SLC9A2: variants seen among roughly 807,000 people sequenced by gnomAD.
SLC9A2 encodes sodium/hydrogen exchanger 2.
SLC9A2 carries 42 observed loss-of-function variants against 71.7 expected under a neutral mutation model. The observed-to-expected ratio is 0.59, with a 90% confidence interval of 0.46 to 0.76. SLC9A2 has a LOEUF of 0.76. Among genes scored for constraint, SLC9A2 ranks in the 30% least tolerant of loss-of-function variants. The pLI, the probability that SLC9A2 is intolerant of heterozygous loss-of-function variation, is 0.00. For missense variants in SLC9A2, 829 were observed against 1,017.4 expected (o/e 0.81, Z 2.52); for synonymous variants, 396 against 392.5 (o/e 1.01, Z -0.10).
chr2:102,671,864 G>A (rs1487087461), intron 3 of SLC9A2, among the ~76,000 whole-genome samples: 2 of 152,158 alleles, frequency 1.3e-5, no homozygotes, highest in Non-Finnish European at 2.9e-5. Flanking sequence ...CCAGCACTCT[G>A]GGAGGCTGAG....
chr2:102,658,976 G>T (rs1348864124), intron 2 of SLC9A2, among the ~76,000 whole-genome samples: 3 of 152,254 alleles, frequency 2.0e-5, no homozygotes, highest in South Asian at 4.1e-4. Context: ...TTGTGCTCAG[G>T]TCTCTATAAC....
intron 2 of SLC9A2, among the ~76,000 whole-genome samples, chr2:102,662,369 T>C (rs1253112955): frequency 6.6e-6 from 1 of 152,104 alleles, no homozygotes. Flanking sequence ...GTGCACTGGA[T>C]GGACTAGGGT....
chr2:102,672,055 G>T lies in SLC9A2; in HGVS notation c.1004+6705G>T, dbSNP rs368086164. 1.1e-3 allele frequency among the ~76,000 whole-genome samples: 164 copies of T among 152,230 alleles called. 1 individual carries two copies. Among genetic ancestry groups the T allele is most frequent in the African/African-American group, 3.7e-3 (155 of 41,540 alleles). On this transcript the variant is annotated intron_variant, in intron 3 of 11. Coordinates refer to ENST00000233969, the MANE Select transcript of SLC9A2 (RefSeq NM_003048.6). ...ACCCGGGAGGCGGAGGTTGCAGTGA[G>T]CCGAGATTGAGCCACTGCACTCCAG... is the stretch of plus-strand genomic sequence containing the variant.
intron 1 of SLC9A2, among the ~76,000 whole-genome samples, chr2:102,641,476 C>A (rs2104508283): frequency 6.6e-6 from 1 of 151,746 alleles, no homozygotes; most frequent in African/African-American, 2.4e-5. Flanking sequence ...ACGTGCCGTT[C>A]TGCTTGAGAA....
At chr2:102,630,858 C>A (rs1175882550) in intron 1 of SLC9A2, among the ~76,000 whole-genome samples, 1 of 151,600 alleles carries the variant, frequency 6.6e-6, no homozygotes, top group Non-Finnish European at 1.5e-5. Flanking sequence ...AAACTATATT[C>A]ATTTTATAGT....
intron 1 of SLC9A2, among the ~76,000 whole-genome samples, chr2:102,637,236 C>G (rs141621325): frequency 1.7e-3 from 258 of 152,278 alleles, no homozygotes; most frequent in Non-Finnish European, 3.0e-3. Context: ...TCCGCATGTC[C>G]AAGGGCAGCT....
chr2:102,703,452 G>A (rs1289287783), intron 9 of SLC9A2, among the ~76,000 whole-genome samples: 1 of 152,070 alleles, frequency 6.6e-6, no homozygotes, highest in African/African-American at 2.4e-5. Context: ...CTGTCAGCTG[G>A]TCAAAAGCCT....
At chr2:102,659,158 C>A (rs1677002111) in intron 2 of SLC9A2, among the ~76,000 whole-genome samples, 1 of 151,900 alleles carries the variant, frequency 6.6e-6, no homozygotes, top group Admixed American at 6.6e-5. Context: ...GAGGCTCATG[C>A]CTATAATTCT....
intron 7 of SLC9A2, among the ~76,000 whole-genome samples, chr2:102,696,353 T>C (rs1677769707): frequency 6.6e-6 from 1 of 152,222 alleles, no homozygotes; most frequent in African/African-American, 2.4e-5. Flanking sequence ...GGTAGATCCC[T>C]CTTGTTTTAT....
chr2:102,652,052 A>G (rs4140836), intron 1 of SLC9A2, among the ~76,000 whole-genome samples: 127,680 of 152,146 alleles, frequency 0.84, 53,697 homozygotes, highest in East Asian at 0.94. Flanking sequence ...ATGGGATCAA[A>G]CATGGATCCA....
At chr2:102,675,095 G>T (rs980892302) in intron 3 of SLC9A2, among the ~76,000 whole-genome samples, 2 of 152,188 alleles carry the variant, frequency 1.3e-5, no homozygotes, top group Non-Finnish European at 1.5e-5. Flanking sequence ...GCCAGAAGAA[G>T]GCAGCGAACT....
At chr2:102,678,417 C>T (rs1428707478) in intron 3 of SLC9A2, among the ~76,000 whole-genome samples, 1 of 151,058 alleles carries the variant, frequency 6.6e-6, no homozygotes, top group African/African-American at 2.4e-5. Context: ...TAAGGATGTA[C>T]TAGGAATATT....
Position 102,694,464 on chromosome 2 carries a change from T to C in SLC9A2, c.1476T>C (p.Asn492=), listed in dbSNP as rs779472206. Residue 492 remains asparagine (N), a synonymous_variant, in exon 6 of 12, where the codon AAT becomes AAC. Coordinates refer to ENST00000233969, the MANE Select transcript of SLC9A2 (RefSeq NM_003048.6). ...LVEFLDVKRS[N]KKQQAVSEEI... Reference sequence around the variant, plus strand: ...AGTTTCTTGATGTCAAGAGGTCCAATAAGAAACAACAAGCTGTCAGTGAAG... The same window carrying C: ...AGTTTCTTGATGTCAAGAGGTCCAACAAGAAACAACAAGCTGTCAGTGAAG... The C allele has an allele frequency of 6.5e-7, 1 of 1,543,854 alleles. No homozygotes were observed. Among genetic ancestry groups the C allele is most frequent in the South Asian group, 1.3e-5 (1 of 77,914 alleles).
chr2:102,688,465 C>T (rs146398770), intron 5 of SLC9A2, among the ~76,000 whole-genome samples: 81 of 152,320 alleles, frequency 5.3e-4, no homozygotes, highest in African/African-American at 1.9e-3. Context: ...TGCAGTGGCT[C>T]ACGCCTGTAA....
chr2:102,675,457 A>G (rs967742194), intron 3 of SLC9A2, among the ~76,000 whole-genome samples: 6 of 152,186 alleles, frequency 3.9e-5, no homozygotes, highest in South Asian at 2.1e-4. Context: ...TTTTTACACC[A>G]TGACACTTAC....
At chr2:102,646,136 G>C (rs747167950) in intron 1 of SLC9A2, among the ~76,000 whole-genome samples, 1 of 152,146 alleles carries the variant, frequency 6.6e-6, no homozygotes, top group Admixed American at 6.5e-5. Flanking sequence ...AGAAGAGTGG[G>C]GACCGAGATT....
intron 1 of SLC9A2, among the ~76,000 whole-genome samples, chr2:102,629,398 T>G: frequency 6.6e-6 from 1 of 152,148 alleles, no homozygotes; most frequent in Non-Finnish European, 1.5e-5. Context: ...ATCTGTTTTC[T>G]ATATCTACAT....
intron 5 of SLC9A2, chr2:102,689,772 C>A (rs557361246): frequency 2.6e-5 from 4 of 152,226 alleles, no homozygotes; most frequent in African/African-American, 9.6e-5. Context: ...TTTTTGACTG[C>A]GCAGCCAGGG....
intron 5 of SLC9A2, among the ~76,000 whole-genome samples, chr2:102,691,454 T>C (rs930416556): frequency 6.6e-6 from 1 of 152,112 alleles, no homozygotes; most frequent in African/African-American, 2.4e-5. Context: ...ACACCCAGGC[T>C]CCTAGAATAT....
Sources: gnomAD v4.1 joint callset for allele counts (sites outside exome capture counted in the v4.1 genomes callset) on GRCh38, gnomAD v4.1.1 for gene constraint, MANE v1.5 for transcripts, NCBI Gene and HGNC (gene_info 2026-07-23, HGNC 2026-07-21) for gene names.